ASPH: variants seen among roughly 807,000 people sequenced by gnomAD.
ASPH encodes aspartyl/asparaginyl beta-hydroxylase.
Under a neutral mutation model 118.4 loss-of-function variants are expected in ASPH, and 100 were observed. The observed-to-expected ratio is 0.84, with a 90% CI of 0.72 to 1.00. The LOEUF (loss-of-function observed/expected upper bound fraction) is 1.00. Among genes scored for constraint, ASPH ranks in the 50% least tolerant of loss-of-function variants. ASPH has a pLI of 0.00. For missense variants in ASPH, 920 were observed against 919.5 expected (o/e 1.00, Z -0.01); for synonymous variants, 315 against 325.6 (o/e 0.97, Z 0.35).
chr8:61,699,316 A>C lies in ASPH; in HGVS notation c.103+14953T>G, dbSNP rs141367553. Reference sequence around the variant, plus strand: ...TCACAACTTTGCCAAAAGCTAAATAACCACACTTCTGTAGAATAGTGAATC... The same window carrying C: ...TCACAACTTTGCCAAAAGCTAAATACCCACACTTCTGTAGAATAGTGAATC... On this transcript the variant is annotated intron_variant, in intron 1 of 24. Transcript: ENST00000379454. Among the ~76,000 whole-genome samples, 6 of 152,298 alleles carry C rather than the reference A, an allele frequency of 3.9e-5. No individual in the cohort carries two copies. In the East Asian group the frequency reaches 1.2e-3, roughly 29 times the overall value.
intron 3 of ASPH, among the ~76,000 whole-genome samples, chr8:61,669,367 GTTA>G (rs2151421492): frequency 6.6e-6 from 1 of 152,246 alleles, no homozygotes; most frequent in South Asian, 2.1e-4. Flanking sequence ...CTTCAAAAAT[GTTA>G]TTAGTATCTC....
At chr8:61,660,216 T>C (rs1175562936) in intron 3 of ASPH, 3 of 152,140 alleles carry the variant, frequency 2.0e-5, no homozygotes, top group African/African-American at 7.2e-5. Flanking sequence ...GTACCCAATG[T>C]TTAGCTCCAC....
In ASPH at chr8:61,506,880, G is replaced by A. The variant is rs761601603; in HGVS notation, c.2127-3371C>T. Among the ~76,000 whole-genome samples the A allele has an allele frequency of 2.9e-4, 44 of 152,116 alleles. 1 individual carries two copies. Among genetic ancestry groups the A allele is most frequent in the Admixed American group, 3.3e-4 (5 of 15,252 alleles). ...TTGAGACAACTAAAAACTTCCAAGG[G>A]AGATGAGATATAAAAACATCTTCAG... is the stretch of plus-strand genomic sequence containing the variant. On this transcript the variant is annotated intron_variant, in intron 24 of 24. Coordinates refer to ENST00000379454, the MANE Select transcript of ASPH (RefSeq NM_004318.4).
chr8:61,701,525 T>C (rs1433867089), intron 1 of ASPH, among the ~76,000 whole-genome samples: 3 of 152,234 alleles, frequency 2.0e-5, no homozygotes, highest in African/African-American at 7.2e-5. Context: ...TATAAGTTAA[T>C]TTCATTTTAA....
In ASPH at chr8:61,651,962, C is replaced by T. The variant is rs544512018; in HGVS notation, c.416-838G>A. Among the ~76,000 whole-genome samples the T allele has an allele frequency of 4.5e-4, 68 of 152,182 alleles. 1 individual carries two copies. Among genetic ancestry groups the T allele is most frequent in the African/African-American group, 1.5e-3 (61 of 41,510 alleles). ...TCATGTGAGATAATGCCAGTGACAT[C>T]GGTTGTTGTCAAAGAGCTAATCTTC... On this transcript the variant is annotated intron_variant, in intron 4 of 24. Transcript: ENST00000379454.
At chr8:61,518,271 C>G in intron 22 of ASPH, 148 bp from the exon 23 acceptor site, 1 of 648,102 alleles carries the variant, frequency 1.5e-6, no homozygotes, top group Non-Finnish European at 2.6e-6. Context: ...ATGCAAAAGG[C>G]TTATTGGAAA....
chr8:61,579,083 G>C lies in ASPH; in HGVS notation c.1063-2225C>G, dbSNP rs1563896188. 4 of 1,610,660 alleles carry C rather than the reference G, an allele frequency of 2.5e-6. No homozygotes were observed. In the African/African-American group the frequency reaches 4.0e-5, roughly 16 times the overall value. On this transcript the variant is annotated intron_variant, in intron 15 of 24. Transcript: ENST00000379454. ...GCATGTACCAGATCAAGTATGAGGA[G>C]CTGCAGAGTCTGGCTGGGAAGCACG...
intron 19 of ASPH, among the ~76,000 whole-genome samples, chr8:61,554,658 A>G (rs76874306): frequency 6.6e-6 from 1 of 152,168 alleles, no homozygotes; most frequent in African/African-American, 2.4e-5. Flanking sequence ...CAGATAAAAA[A>G]CATTTCCATC....
intron 14 of ASPH, among the ~76,000 whole-genome samples, chr8:61,617,826 G>T (rs1479561294): frequency 1.3e-5 from 2 of 151,340 alleles, no homozygotes; most frequent in East Asian, 3.9e-4. Context: ...CCAGCTACTC[G>T]GGAGGCTGAG....
At chr8:61,567,948 T>C (rs772650429) in intron 16 of ASPH, among the ~76,000 whole-genome samples, 2 of 152,100 alleles carry the variant, frequency 1.3e-5, no homozygotes, top group Non-Finnish European at 2.9e-5. Flanking sequence ...GAGCAAATTA[T>C]GAAGATACCT....
intron 20 of ASPH, 126 bp from the exon 21 acceptor site, chr8:61,548,334 G>T: frequency 8.7e-7 from 1 of 1,155,974 alleles, no homozygotes; most frequent in South Asian, 1.9e-5. Context: ...CTTACTGCTA[G>T]GTACTCAAAT....
At chr8:61,655,862 T>C (rs1813413828) in intron 3 of ASPH, among the ~76,000 whole-genome samples, 1 of 152,074 alleles carries the variant, frequency 6.6e-6, no homozygotes, top group South Asian at 2.1e-4. Flanking sequence ...CAAAAAAAAA[T>C]TGTAAACTTC....
chr8:61,552,990 A>T, intron 20 of ASPH, 41 bp downstream of exon 20: 1 of 1,464,244 alleles, frequency 6.8e-7, no homozygotes, highest in Non-Finnish European at 9.5e-7. Context: ...TCCCAACTCC[A>T]TCCTCTGTTA....
At chr8:61,684,374 G>A in intron 1 of ASPH, 186 bp from the exon 2 acceptor site, 1 of 630,822 alleles carries the variant, frequency 1.6e-6, no homozygotes, top group Non-Finnish European at 2.6e-6. Flanking sequence ...TTGTTTAGAT[G>A]CAACACTAAC....
At chr8:61,628,061 T>C (rs1853732715) in intron 13 of ASPH, among the ~76,000 whole-genome samples, 2 of 152,096 alleles carry the variant, frequency 1.3e-5, no homozygotes, top group African/African-American at 4.8e-5. Context: ...CTTACTAGTC[T>C]CTACCTCCTT....
chr8:61,526,401 A>C (rs1450918698), intron 21 of ASPH, among the ~76,000 whole-genome samples: 1 of 152,146 alleles, frequency 6.6e-6, no homozygotes, highest in Non-Finnish European at 1.5e-5. Flanking sequence ...CTTTTTTTTG[A>C]AACCACAACC....
intron 13 of ASPH, among the ~76,000 whole-genome samples, chr8:61,630,158 C>A (rs1478598732): frequency 6.6e-6 from 1 of 152,118 alleles, no homozygotes; most frequent in Non-Finnish European, 1.5e-5. Flanking sequence ...CTTTAATAAG[C>A]TATATTAAGA....
chr8:61,511,207 T>G (rs1808696167), intron 24 of ASPH, among the ~76,000 whole-genome samples: 1 of 152,208 alleles, frequency 6.6e-6, no homozygotes, highest in African/African-American at 2.4e-5. Context: ...ACTTGAGGTC[T>G]ATGGAGGAAG....
chr8:61,558,623 G>A (rs1828725441), intron 18 of ASPH, among the ~76,000 whole-genome samples: 1 of 152,198 alleles, frequency 6.6e-6, no homozygotes, highest in African/African-American at 2.4e-5. Flanking sequence ...CTGTCAGGAG[G>A]CGAGGTTCAG....
Sources: allele counts gnomAD v4.1 joint callset (sites outside exome capture counted in the v4.1 genomes callset), GRCh38; gene constraint gnomAD v4.1.1; transcripts MANE v1.5; gene names NCBI Gene and HGNC (gene_info 2026-07-23, HGNC 2026-07-21).